The following RORA variants were observed in gnomAD, a reference collection of about 807,000 sequenced individuals.
RORA encodes RAR related orphan receptor A.
In RORA, 7 loss-of-function variants were observed where a neutral mutation model predicts 69.5. The observed-to-expected ratio is 0.10, with a 90% confidence interval of 0.06 to 0.19. The LOEUF is 0.19. Ranked by LOEUF, RORA falls within the 10% of genes least tolerant of loss-of-function variation. The pLI, the probability that RORA is intolerant of heterozygous loss-of-function variation, is 1.00. For missense variants in RORA, 457 were observed against 663.0 expected (o/e 0.69, Z 3.41); for synonymous variants, 261 against 240.8 (o/e 1.08, Z -0.78).
chr15:60,604,147 A>G (rs2140562230), intron 2 of RORA, among the ~76,000 whole-genome samples: 1 of 151,632 alleles, frequency 6.6e-6, no homozygotes, highest in East Asian at 1.9e-4. Context: ...AAAAAAAAAA[A>G]AAAAAAAGCA....
chr15:60,608,124 G>T (rs889687381), intron 2 of RORA, among the ~76,000 whole-genome samples: 4 of 152,216 alleles, frequency 2.6e-5, no homozygotes, highest in African/African-American at 9.6e-5. Flanking sequence ...AATGGCAGGA[G>T]CTGAGGGTCC....
intron 2 of RORA, among the ~76,000 whole-genome samples, chr15:60,643,983 G>A (rs2069991095): frequency 6.6e-6 from 1 of 152,094 alleles, no homozygotes; most frequent in Non-Finnish European, 1.5e-5. Context: ...CTTTGGGAAT[G>A]TCTGTGCATT....
At chr15:60,697,250 C>T (rs968057914) in intron 1 of RORA, among the ~76,000 whole-genome samples, 1 of 152,170 alleles carries the variant, frequency 6.6e-6, no homozygotes, top group African/African-American at 2.4e-5. Context: ...GTTACCTCTG[C>T]TTATGACTTC....
intron 1 of RORA, among the ~76,000 whole-genome samples, chr15:61,218,649 G>T (rs1471621908): frequency 6.7e-6 from 1 of 148,250 alleles, no homozygotes; most frequent in African/African-American, 2.5e-5. Context: ...GTATTCGTGG[G>T]TCCAAGTTAA....
At chr15:60,606,170 C>G (rs887193518) in intron 2 of RORA, among the ~76,000 whole-genome samples, 1 of 152,238 alleles carries the variant, frequency 6.6e-6, no homozygotes, top group African/African-American at 2.4e-5. Flanking sequence ...CTCTGACTCA[C>G]AGCAACCTTC....
At chr15:61,121,528 G>A (rs939516388) in intron 1 of RORA, among the ~76,000 whole-genome samples, 12 of 152,132 alleles carry the variant, frequency 7.9e-5, no homozygotes, top group Admixed American at 1.3e-4. Flanking sequence ...CTACTTGCAC[G>A]TCTCTTTGTC....
chr15:60,542,101 T>G (rs934078194), intron 2 of RORA, among the ~76,000 whole-genome samples: 3 of 152,212 alleles, frequency 2.0e-5, no homozygotes, highest in African/African-American at 7.2e-5. Context: ...TCTTTCTAAT[T>G]TGCAGTAAAA....
At chr15:60,525,090 A>G (rs1344173814) in intron 3 of RORA, among the ~76,000 whole-genome samples, 1 of 146,538 alleles carries the variant, frequency 6.8e-6, no homozygotes, top group East Asian at 1.9e-4. Flanking sequence ...ACAAACAACA[A>G]AACAAACACG....
At chr15:60,826,750 T>TCC in intron 1 of RORA, among the ~76,000 whole-genome samples, 1 of 84,332 alleles carries the variant, frequency 1.2e-5, no homozygotes, top group Non-Finnish European at 3.3e-5. Flanking sequence ...GCTCTCTCTC[T>TCC]CTCTCTCTCT....
chr15:60,544,783 C>G (rs1165864848), intron 2 of RORA: 3 of 152,090 alleles, frequency 2.0e-5, no homozygotes, highest in Non-Finnish European at 2.9e-5. Context: ...AAATCCATTT[C>G]CTATTGTAAT....
chr15:60,628,614 A>C (rs2069654622), intron 2 of RORA, among the ~76,000 whole-genome samples: 1 of 152,154 alleles, frequency 6.6e-6, no homozygotes, highest in Non-Finnish European at 1.5e-5. Flanking sequence ...TGAATTAAAT[A>C]CCCAGCAGGT....
At chr15:60,982,630 C>T (rs554268071) in intron 1 of RORA, among the ~76,000 whole-genome samples, 1 of 152,180 alleles carries the variant, frequency 6.6e-6, no homozygotes, top group Admixed American at 6.5e-5. Context: ...TATGCCTGCA[C>T]TGGGAATGTG....
At chr15:61,007,165 T>C (rs566900728) in intron 1 of RORA, among the ~76,000 whole-genome samples, 167 of 152,216 alleles carry the variant, frequency 1.1e-3, no homozygotes, top group Non-Finnish European at 2.0e-3. Flanking sequence ...AAGGACCAAT[T>C]TGATATAGGG....
At chr15:61,114,560 A>G (rs1286416950) in intron 1 of RORA, among the ~76,000 whole-genome samples, 5 of 152,242 alleles carry the variant, frequency 3.3e-5, no homozygotes, top group African/African-American at 1.2e-4. Context: ...CCTCTGTTAC[A>G]TGAAAGAACT....
At chr15:60,917,099 C>T (rs1222328599) in intron 1 of RORA, among the ~76,000 whole-genome samples, 1 of 152,106 alleles carries the variant, frequency 6.6e-6, no homozygotes, top group Admixed American at 6.5e-5. Context: ...CTGCATACTG[C>T]CACCTGGTGG....
intron 1 of RORA, among the ~76,000 whole-genome samples, chr15:60,742,584 T>C (rs990679685): frequency 2.6e-5 from 4 of 152,248 alleles, no homozygotes; most frequent in Admixed American, 1.3e-4. Context: ...CTTGAACTTA[T>C]TCCTCCCGTC....
chr15:61,005,467 G>A (rs952244892), intron 1 of RORA, among the ~76,000 whole-genome samples: 4 of 152,172 alleles, frequency 2.6e-5, no homozygotes, highest in African/African-American at 4.8e-5. Context: ...GCAACAGAGC[G>A]AGACTCTGTC....
chr15:61,140,181 G>A (rs1286267158), intron 1 of RORA, among the ~76,000 whole-genome samples: 1 of 152,164 alleles, frequency 6.6e-6, no homozygotes, highest in Non-Finnish European at 1.5e-5. Context: ...AAAATGCAAA[G>A]ACAGAGGAAG....
chr15:60,734,050 A>G (rs141901271), intron 1 of RORA, among the ~76,000 whole-genome samples: 1 of 152,240 alleles, frequency 6.6e-6, no homozygotes, highest in African/African-American at 2.4e-5. Flanking sequence ...AGAGAGTGAG[A>G]TGGAGATGAG....
Sources: allele counts gnomAD v4.1 joint callset (sites outside exome capture counted in the v4.1 genomes callset), GRCh38; gene constraint gnomAD v4.1.1; transcripts MANE v1.5; gene names NCBI Gene and HGNC (gene_info 2026-07-23, HGNC 2026-07-21).